The following PDZRN4 variants were observed in gnomAD, a reference collection of about 807,000 sequenced individuals.
PDZRN4 encodes PDZ domain containing ring finger 4, also known as PDZ domain-containing RING finger protein 4.
A neutral mutation model predicts 99.0 loss-of-function variants in PDZRN4; 70 were observed. The observed-to-expected ratio is 0.71, with a 90% confidence interval of 0.58 to 0.86. PDZRN4 has a LOEUF of 0.86. PDZRN4 is among the 40% of genes least tolerant of loss of function. PDZRN4 has a pLI of 0.00. For missense variants in PDZRN4, 1,474 were observed against 1,331.2 expected (o/e 1.11, Z -1.67); for synonymous variants, 551 against 501.6 (o/e 1.10, Z -1.32).
At chr12:41,295,687 A>G (rs1951488300) in intron 3 of PDZRN4, among the ~76,000 whole-genome samples, 1 of 152,206 alleles carries the variant, frequency 6.6e-6, no homozygotes. Flanking sequence ...GTGATATAAC[A>G]TGTCTGAACA....
rs201997264 is a variant in PDZRN4, at chr12:41,299,725, G to A, written c.843+105537G>A. On this transcript the variant is annotated intron_variant, in intron 3 of 9. Transcript: ENST00000402685. ...GTTTTTACTTTATAAAATTGAGTTA[G>A]TTTTCAAAGCATATTTCACTGTGTA... Among the ~76,000 whole-genome samples the A allele has an allele frequency of 6.7e-4, 102 of 151,838 alleles. 1 individual carries two copies. The East Asian group carries it at 0.017, about 25-fold the overall frequency.
In PDZRN4 at chr12:41,534,904, A is replaced by G. The variant is rs373931254; in HGVS notation, c.1204-17752A>G. Among the ~76,000 whole-genome samples the G allele has an allele frequency of 7.8e-4, 118 of 152,002 alleles. 1 individual carries two copies. The highest frequency in any genetic ancestry group is 2.6e-3 in the African/African-American group (109 of 41,450). On this transcript the variant is annotated intron_variant, in intron 5 of 9. Transcript: ENST00000402685. ...TTTATCTCCATATTTCCTAACTACT[A>G]TCTCCTAGTTTTTATTTCTTTGTGT...
intron 3 of PDZRN4, among the ~76,000 whole-genome samples, chr12:41,212,048 A>G (rs1950891909): frequency 6.6e-6 from 1 of 151,888 alleles, no homozygotes; most frequent in Non-Finnish European, 1.5e-5. Context: ...ATCAACCTTT[A>G]TCTGGGCCCT....
At chr12:41,457,377 G>C (rs1379763) in intron 3 of PDZRN4, among the ~76,000 whole-genome samples, 78,712 of 152,076 alleles carry the variant, frequency 0.52, 20,921 homozygotes, top group African/African-American at 0.65. Flanking sequence ...AGTGGGATGG[G>C]AATGTAATGA....
intron 3 of PDZRN4, among the ~76,000 whole-genome samples, chr12:41,398,011 G>T (rs1163673036): frequency 6.6e-6 from 1 of 152,044 alleles, no homozygotes; most frequent in African/African-American, 2.4e-5. Flanking sequence ...GGGGACCTTG[G>T]GAAGGTTATT....
At chr12:41,346,876 ATTTCATAT>A (rs1333615967) in intron 3 of PDZRN4, among the ~76,000 whole-genome samples, 1 of 152,198 alleles carries the variant, frequency 6.6e-6, no homozygotes, top group African/African-American at 2.4e-5. Context: ...TATTCTGGGC[ATTTCATAT>A]GAATAGAATC....
rs541055633 is a variant in PDZRN4, at chr12:41,336,553, G to A, written c.843+142365G>A. ...ATGCAATGTCATAACCACCTAGTGG[G>A]TTCACCTTGCCTGCTGCCTAGACAG... On this transcript the variant is annotated intron_variant, in intron 3 of 9. Coordinates refer to ENST00000402685, the MANE Select transcript of PDZRN4 (RefSeq NM_001164595.2). Among the ~76,000 whole-genome samples, 3 of 152,244 alleles carry A rather than the reference G, an allele frequency of 2.0e-5. No homozygotes were observed. The South Asian group carries it at 6.2e-4, about 32-fold the overall frequency.
chr12:41,262,470 G>C (rs1442046839), intron 3 of PDZRN4, among the ~76,000 whole-genome samples: 1 of 152,132 alleles, frequency 6.6e-6, no homozygotes, highest in African/African-American at 2.4e-5. Flanking sequence ...AAGTAAGTGA[G>C]GGAGCTGGAA....
intron 3 of PDZRN4, among the ~76,000 whole-genome samples, chr12:41,336,415 T>A (rs1472067920): frequency 1.3e-5 from 2 of 152,102 alleles, no homozygotes; most frequent in African/African-American, 4.8e-5. Context: ...AGCACCAGAC[T>A]GACATTTCTT....
At chr12:41,204,818 G>A (rs1005253861) in intron 3 of PDZRN4, among the ~76,000 whole-genome samples, 1 of 151,828 alleles carries the variant, frequency 6.6e-6, no homozygotes, top group African/African-American at 2.4e-5. Flanking sequence ...TTTTAAACTT[G>A]ATTTGATATA....
chr12:41,508,485 C>T (rs527771303), intron 4 of PDZRN4, among the ~76,000 whole-genome samples: 1 of 152,302 alleles, frequency 6.6e-6, no homozygotes, highest in South Asian at 2.1e-4. Context: ...CTTGGCCTTG[C>T]ATCTGGCAGC....
intron 3 of PDZRN4, among the ~76,000 whole-genome samples, chr12:41,197,245 T>C (rs1410209787): frequency 6.6e-6 from 1 of 152,084 alleles, no homozygotes; most frequent in East Asian, 1.9e-4. Context: ...CTGTTGGTGG[T>C]TAAAAAGATT....
At chr12:41,399,565 T>C (rs778782174) in intron 3 of PDZRN4, among the ~76,000 whole-genome samples, 4 of 151,886 alleles carry the variant, frequency 2.6e-5, no homozygotes, top group Non-Finnish European at 5.9e-5. Flanking sequence ...TGAAACCCCA[T>C]CTCTACTAAA....
intron 3 of PDZRN4, among the ~76,000 whole-genome samples, chr12:41,497,827 A>T (rs759493992): frequency 6.6e-6 from 1 of 152,120 alleles, no homozygotes; most frequent in Non-Finnish European, 1.5e-5. Context: ...CATTCATAGT[A>T]CAGTAAGAAT....
At chr12:41,476,954 C>T (rs1284161142) in intron 3 of PDZRN4, among the ~76,000 whole-genome samples, 1 of 152,138 alleles carries the variant, frequency 6.6e-6, no homozygotes, top group Non-Finnish European at 1.5e-5. Flanking sequence ...TTCTGCAGTC[C>T]CCCACACTGT....
intron 3 of PDZRN4, among the ~76,000 whole-genome samples, chr12:41,274,869 G>A (rs980769320): frequency 1.1e-4 from 16 of 152,046 alleles, no homozygotes; most frequent in African/African-American, 3.1e-4. Context: ...GGGAAATGTG[G>A]TAGGAAAAAA....
intron 3 of PDZRN4, among the ~76,000 whole-genome samples, chr12:41,483,085 T>A (rs951803372): frequency 2.0e-5 from 3 of 152,104 alleles, no homozygotes; most frequent in African/African-American, 2.4e-5. Context: ...TCAGGAGACA[T>A]AATTTACATG....
chr12:41,528,588 A>G (rs542827217), intron 5 of PDZRN4, among the ~76,000 whole-genome samples: 10 of 152,188 alleles, frequency 6.6e-5, no homozygotes, highest in African/African-American at 2.4e-4. Flanking sequence ...AAAACATGAG[A>G]TATTAGACAA....
At chr12:41,542,186 A>G (rs542038595) in intron 5 of PDZRN4, among the ~76,000 whole-genome samples, 3 of 152,366 alleles carry the variant, frequency 2.0e-5, no homozygotes, top group Admixed American at 6.5e-5. Flanking sequence ...AGCTATTTTC[A>G]GTAATTCAAA....
Sources: gnomAD v4.1 joint callset for allele counts (sites outside exome capture counted in the v4.1 genomes callset) on GRCh38, gnomAD v4.1.1 for gene constraint, MANE v1.5 for transcripts, NCBI Gene and HGNC (gene_info 2026-07-23, HGNC 2026-07-21) for gene names.